Variants in XPO4 observed in about 807,000 individuals in gnomAD.
XPO4 encodes exportin-4.
XPO4 carries 39 observed loss-of-function variants against 143.0 expected under a neutral mutation model. That is an observed-to-expected ratio of 0.27 (90% CI 0.21 to 0.36). XPO4 has a LOEUF of 0.36. Among genes scored for constraint, XPO4 ranks in the 10% least tolerant of loss-of-function variants. XPO4 has a pLI of 1.00. For missense variants in XPO4, 907 were observed against 1,348.0 expected (o/e 0.67, Z 5.12); for synonymous variants, 439 against 474.0 (o/e 0.93, Z 0.96).
intron 6 of XPO4, among the ~76,000 whole-genome samples, chr13:20,833,686 C>G (rs555161047): frequency 4.9e-4 from 68 of 139,764 alleles, no homozygotes; most frequent in African/African-American, 1.4e-3. Context: ...GAGAAGGGAG[C>G]CAAATGGGGA....
chr13:20,869,623 T>G (rs1378123587), intron 1 of XPO4: 2 of 778,238 alleles, frequency 2.6e-6, no homozygotes, highest in East Asian at 2.6e-4. Flanking sequence ...ATATCAATTA[T>G]GCAACATTAG....
chr13:20,807,760 G>C (rs2059526066), intron 12 of XPO4, 126 bp from the exon 13 acceptor site: 2 of 766,002 alleles, frequency 2.6e-6, no homozygotes, highest in Non-Finnish European at 3.7e-6. Context: ...ATGTTAACCT[G>C]TTAATTTCAA....
At chr13:20,795,595 G>A (rs1452738736) in intron 18 of XPO4, among the ~76,000 whole-genome samples, 1 of 152,176 alleles carries the variant, frequency 6.6e-6, no homozygotes, top group Non-Finnish European at 1.5e-5. Context: ...GGCTTTCCAA[G>A]CCACACTCTG....
Position 20,799,291 on chromosome 13 carries a change from C to G in XPO4, c.2196G>C (p.Gln732His). ...TAAGAGGTGGGCTTCGGCTTGCAAA[C>G]TGCTTAGCTAAATTCCACCAGTTCT... Reference protein sequence around the residue: ...QCENWWNLAKQFASRSPPLNF... With the variant: ...QCENWWNLAKHFASRSPPLNF... Residue 732 changes from glutamine to histidine, a missense_variant, in exon 16 of 23, where the codon CAG becomes CAC. Physicochemically the swap from Gln to His is conservative, Grantham distance 24. Transcript: ENST00000255305. 1 of 1,614,100 alleles carries G rather than the reference C, an allele frequency of 6.2e-7. No individual in the cohort carries two copies. Among genetic ancestry groups the G allele is most frequent in the Non-Finnish European group, 8.5e-7 (1 of 1,179,954 alleles).
At chr13:20,874,830 T>C (rs1487931488) in intron 1 of XPO4, among the ~76,000 whole-genome samples, 1 of 152,074 alleles carries the variant, frequency 6.6e-6, no homozygotes, top group Non-Finnish European at 1.5e-5. Context: ...CCATCTCTAC[T>C]AAAAATACAA....
At chr13:20,839,761 T>C (rs549467297) in intron 6 of XPO4, among the ~76,000 whole-genome samples, 1 of 152,204 alleles carries the variant, frequency 6.6e-6, no homozygotes, top group Admixed American at 6.5e-5. Context: ...GGTGGGTGGA[T>C]CAACCTGAGG....
At chr13:20,859,704 G>A (rs1443843068) in intron 3 of XPO4, 1 of 234,668 alleles carries the variant, frequency 4.3e-6, no homozygotes, top group Non-Finnish European at 6.9e-6. Context: ...ATGAACCCAG[G>A]AGGCGGATGT....
chr13:20,866,061 C>T, intron 2 of XPO4: 1 of 985,330 alleles, frequency 1.0e-6, no homozygotes. Context: ...AAGAAGTAAG[C>T]CAATCCCTCA....
chr13:20,831,730 T>C (rs1595108124), intron 6 of XPO4, among the ~76,000 whole-genome samples: 1 of 151,018 alleles, frequency 6.6e-6, no homozygotes, highest in Non-Finnish European at 1.5e-5. Flanking sequence ...AAATCTATCA[T>C]ACACATCTAA....
intron 9 of XPO4, among the ~76,000 whole-genome samples, chr13:20,810,627 A>C (rs1010172384): frequency 5.3e-5 from 8 of 152,178 alleles, no homozygotes; most frequent in Admixed American, 2.0e-4. Context: ...CTTCTTACAA[A>C]GGAAACACAT....
chr13:20,784,992 T>G (rs2059182753), intron 22 of XPO4, among the ~76,000 whole-genome samples: 2 of 152,088 alleles, frequency 1.3e-5, no homozygotes, highest in Admixed American at 1.3e-4. Context: ...CTCAGCCTCC[T>G]AAGAGCCTGG....
chr13:20,823,335 A>G (rs2059743355), intron 7 of XPO4, among the ~76,000 whole-genome samples: 1 of 152,232 alleles, frequency 6.6e-6, no homozygotes, highest in African/African-American at 2.4e-5. Context: ...CTGGGCCACA[A>G]TGAACACTTA....
intron 4 of XPO4, chr13:20,848,945 A>T (rs888733728): frequency 4.4e-5 from 43 of 985,310 alleles, no homozygotes; most frequent in Admixed American, 6.1e-5. Flanking sequence ...TAACAATTTA[A>T]GTAACTCTTA....
At chr13:20,784,330 G>A (rs926158395) in intron 22 of XPO4, among the ~76,000 whole-genome samples, 1 of 152,270 alleles carries the variant, frequency 6.6e-6, no homozygotes, top group Admixed American at 6.5e-5. Flanking sequence ...GTTCCCCAGA[G>A]GTTAATAGAG....
chr13:20,792,408 T>C (rs1313797509), intron 18 of XPO4, among the ~76,000 whole-genome samples: 1 of 151,766 alleles, frequency 6.6e-6, no homozygotes, highest in East Asian at 1.9e-4. Flanking sequence ...CTGGCCAACA[T>C]AGTGAAACAT....
intron 20 of XPO4, among the ~76,000 whole-genome samples, chr13:20,788,181 G>A (rs536885142): frequency 2.6e-5 from 4 of 151,146 alleles, no homozygotes; most frequent in South Asian, 2.1e-4. Context: ...TCAGCCTCCC[G>A]AGTAGCTAGG....
At chr13:20,876,015 C>T (rs940483554) in intron 1 of XPO4, among the ~76,000 whole-genome samples, 16 of 149,894 alleles carry the variant, frequency 1.1e-4, no homozygotes, top group Non-Finnish European at 1.6e-4. Flanking sequence ...TTTGGGAGGC[C>T]GAGGCAGGTG....
At chr13:20,879,426 T>A (rs1235991513) in intron 1 of XPO4, 7 of 623,470 alleles carry the variant, frequency 1.1e-5, no homozygotes, top group Middle Eastern at 8.0e-4. Flanking sequence ...ATGACAGGTC[T>A]CTTGCCCATC....
At chr13:20,880,454 A>C (rs2060397743) in intron 1 of XPO4, among the ~76,000 whole-genome samples, 2 of 152,198 alleles carry the variant, frequency 1.3e-5, no homozygotes, top group Non-Finnish European at 2.9e-5. Context: ...AAAAGAAAAA[A>C]AAAGGAACAG....
Sources: allele counts gnomAD v4.1 joint callset (sites outside exome capture counted in the v4.1 genomes callset), GRCh38; gene constraint gnomAD v4.1.1; transcripts MANE v1.5; gene names NCBI Gene and HGNC (gene_info 2026-07-23, HGNC 2026-07-21).